RARB: variants seen among roughly 807,000 people sequenced by gnomAD.
RARB encodes HBV-activated protein.
In RARB, 17 loss-of-function variants were observed where a neutral mutation model predicts 51.9. That is an observed-to-expected ratio of 0.33 (90% CI 0.22 to 0.49). RARB has a LOEUF of 0.49. Among genes scored for constraint, RARB ranks in the 20% least tolerant of loss-of-function variants. RARB has a pLI of 0.99. For missense variants in RARB, 369 were observed against 550.8 expected (o/e 0.67, Z 3.30); for synonymous variants, 215 against 195.4 (o/e 1.10, Z -0.84).
At chr3:24,866,194 C>T (rs1702844546) in intron 2 of RARB, among the ~76,000 whole-genome samples, 1 of 152,076 alleles carries the variant, frequency 6.6e-6, no homozygotes, top group African/African-American at 2.4e-5. Context: ...TCTTACCATT[C>T]TCTTATGCTT....
At chr3:25,140,098 GGTTT>G (rs147314913) in intron 4 of RARB, among the ~76,000 whole-genome samples, 3,457 of 150,424 alleles carry the variant, frequency 0.023, 122 homozygotes, top group African/African-American at 0.076. Flanking sequence ...TTTTTTTGTT[GGTTT>G]GTTTGTTTGT....
intron 2 of RARB, among the ~76,000 whole-genome samples, chr3:24,952,246 G>GT (rs56108055): frequency 0.017 from 2,616 of 150,364 alleles, 62 homozygotes; most frequent in African/African-American, 0.056. Context: ...AGTAACATTT[G>GT]TTTTTTTTTA....
At chr3:24,981,804 C>T (rs1372661693) in intron 2 of RARB, among the ~76,000 whole-genome samples, 1 of 152,178 alleles carries the variant, frequency 6.6e-6, no homozygotes, top group Admixed American at 6.5e-5. Flanking sequence ...ACTGTCCAAC[C>T]AGTCCCCACG....
In RARB at chr3:25,087,365, T is replaced by C. The variant is rs148236211; in HGVS notation, c.-328+27189T>C. ...ATCTCAGGTTTTGAAGGATATATAT[T>C]TGATTTTTTTACCCCAAAAGTGAGG... On this transcript the variant is annotated intron_variant, in intron 3 of 11. Coordinates refer to the RARB transcript ENST00000383772. Among the ~76,000 whole-genome samples, 1,080 of 152,224 alleles carry C rather than the reference T, an allele frequency of 7.1e-3. 6 individuals are homozygous for C. Among genetic ancestry groups the C allele is most frequent in the Non-Finnish European group, 0.011 (725 of 67,986 alleles).
rs879230569 is a variant in RARB, at chr3:25,501,398, G to A, written c.448+75G>A. 9.0e-6 allele frequency: 14 copies of A among 1,548,030 alleles called. No individual in the cohort carries two copies. In the Admixed American group the frequency reaches 2.9e-4, roughly 32 times the overall value. On this transcript the variant is annotated intron_variant, in intron 3 of 7. Coordinates refer to ENST00000330688, the MANE Select transcript of RARB (RefSeq NM_000965.5). ...TTTGCTCACCTTCCACAGTCATGTG[G>A]AATTCACACACGACACTAACGAAAT...
At chr3:25,358,407 A>T (rs1298509023) in intron 5 of RARB, among the ~76,000 whole-genome samples, 1 of 152,184 alleles carries the variant, frequency 6.6e-6, no homozygotes, top group Non-Finnish European at 1.5e-5. Flanking sequence ...TTCTAAATAT[A>T]CAATCTTGTC....
intron 2 of RARB, among the ~76,000 whole-genome samples, chr3:25,023,413 T>A (rs1037178823): frequency 6.6e-6 from 1 of 152,170 alleles, no homozygotes; most frequent in Middle Eastern, 3.2e-3. Context: ...AAGACGAATG[T>A]TGGCTTTGTC....
intron 1 of RARB, among the ~76,000 whole-genome samples, chr3:25,439,351 G>A (rs1708564092): frequency 6.6e-6 from 1 of 152,196 alleles, no homozygotes. Context: ...ATGAATCATA[G>A]TGCATCTAAT....
At chr3:24,981,780 C>G (rs957688743) in intron 2 of RARB, among the ~76,000 whole-genome samples, 1 of 152,164 alleles carries the variant, frequency 6.6e-6, no homozygotes, top group African/African-American at 2.4e-5. Context: ...GCTCACCTTC[C>G]ATGTGCTGTA....
chr3:25,033,352 G>T (rs546694881), intron 2 of RARB, among the ~76,000 whole-genome samples: 2 of 152,260 alleles, frequency 1.3e-5, no homozygotes, highest in East Asian at 1.9e-4. Flanking sequence ...ATTTCTCATA[G>T]AAATTAGACC....
intron 3 of RARB, among the ~76,000 whole-genome samples, chr3:25,539,310 C>A (rs951880664): frequency 2.6e-5 from 4 of 152,124 alleles, no homozygotes; most frequent in Admixed American, 2.6e-4. Flanking sequence ...TAGAAAGTCC[C>A]CACCTCTACC....
intron 3 of RARB, among the ~76,000 whole-genome samples, chr3:25,070,911 G>T (rs1345233358): frequency 1.3e-5 from 2 of 152,148 alleles, no homozygotes; most frequent in African/African-American, 2.4e-5. Context: ...GAGGATCCAG[G>T]TATTGGGGTA....
At chr3:25,537,662 C>G (rs1307869835) in intron 3 of RARB, among the ~76,000 whole-genome samples, 1 of 152,116 alleles carries the variant, frequency 6.6e-6, no homozygotes, top group Non-Finnish European at 1.5e-5. Flanking sequence ...TAAGGAGGCT[C>G]TCTTCTATGG....
intron 3 of RARB, among the ~76,000 whole-genome samples, chr3:25,116,368 T>C (rs1462468855): frequency 6.6e-6 from 1 of 152,114 alleles, no homozygotes; most frequent in African/African-American, 2.4e-5. Context: ...TTTCCCACTT[T>C]ATGCAAGTCA....
At chr3:24,883,180 A>T (rs934200609) in intron 2 of RARB, among the ~76,000 whole-genome samples, 4 of 152,222 alleles carry the variant, frequency 2.6e-5, no homozygotes, top group Non-Finnish European at 5.9e-5. Context: ...CCAGTCAATT[A>T]AAGCTGAATT....
intron 3 of RARB, among the ~76,000 whole-genome samples, chr3:25,562,712 A>G (rs1700322924): frequency 6.6e-6 from 1 of 152,214 alleles, no homozygotes; most frequent in Non-Finnish European, 1.5e-5. Context: ...CTAAAACTAA[A>G]TCTCTTGCCT....
At chr3:24,846,175 G>A (rs1268939223) in intron 1 of RARB, among the ~76,000 whole-genome samples, 3 of 152,172 alleles carry the variant, frequency 2.0e-5, no homozygotes, top group Admixed American at 2.0e-4. Context: ...TGCTGGCTCT[G>A]CAATCTGCCT....
At chr3:24,978,637 C>A (rs545200118) in intron 2 of RARB, among the ~76,000 whole-genome samples, 6 of 151,774 alleles carry the variant, frequency 4.0e-5, no homozygotes, top group Admixed American at 1.3e-4. Context: ...CTATTTGATT[C>A]ATCTCTCTTT....
At chr3:25,174,266 C>T in exon 5 of RARB, 1 of 649,100 alleles carries the variant, frequency 1.5e-6, no homozygotes, top group South Asian at 1.7e-5. Flanking sequence ...ATCAGTTGAA[C>T]CATCTTGACT....
Sources: allele counts gnomAD v4.1 joint callset (sites outside exome capture counted in the v4.1 genomes callset), GRCh38; gene constraint gnomAD v4.1.1; transcripts MANE v1.5; gene names NCBI Gene and HGNC (gene_info 2026-07-23, HGNC 2026-07-21).